The following DNAH9 variants were observed in gnomAD, a reference collection of about 807,000 sequenced individuals.
DNAH9 encodes DNAH9 variant protein.
Under a neutral mutation model 471.6 loss-of-function variants are expected in DNAH9, and 345 were observed. That is an observed-to-expected ratio of 0.73 (90% CI 0.67 to 0.80). The LOEUF (loss-of-function observed/expected upper bound fraction) is 0.80, where lower values mean the gene tolerates loss of function less well. DNAH9 is among the 30% of genes least tolerant of loss of function. The pLI is 0.00. For missense variants in DNAH9, 5,407 were observed against 5,609.2 expected, an observed-to-expected ratio of 0.96 and a Z score of 1.15; for synonymous variants, 2,093 against 2,123.6, an observed-to-expected ratio of 0.99 and a Z score of 0.40.
chr17:11,610,203 G>C (rs565742603), intron 2 of DNAH9, among the ~76,000 whole-genome samples, 193 bp from the exon 3 acceptor site: 1 of 152,034 alleles, frequency 6.6e-6, no homozygotes, highest in Non-Finnish European at 1.5e-5. Flanking sequence ...TTTCTGGAGA[G>C]AGGATCTATA....
rs568743107 is a variant in DNAH9 at position 11,690,102 on chromosome 17, C to A, written c.4280C>A (p.Ala1427Asp). ...EDEVRGIVDK[A>D]AKEMGMEKTL... ...GAGGTCCGGGGCATTGTGGACAAAG[C>A]TGCAAAAGAGATGGGTATGGAGAAA... The change falls in exon 20 of 69, where the codon GCT (alanine) becomes GAT (aspartate). Residue 1427 changes from alanine to aspartate, a missense_variant. Around this residue, in one of 3 missense-constraint regions of DNAH9, gnomAD observed 4,636 missense variants for 4,900.3 expected, o/e 0.95. Coordinates refer to ENST00000262442, the MANE Select transcript of DNAH9 (RefSeq NM_001372.4). 3.7e-6 allele frequency: 6 copies of A among 1,614,184 alleles called. No individual in the cohort carries two copies. Among genetic ancestry groups the A allele is most frequent in the East Asian group, 2.2e-5 (1 of 44,870 alleles).
At chr17:11,762,770 GTTTTTTTT>G (rs563544881) in intron 35 of DNAH9, among the ~76,000 whole-genome samples, 5 of 90,744 alleles carry the variant, frequency 5.5e-5, no homozygotes, top group African/African-American at 1.6e-4. Flanking sequence ...TTTTTTTTTT[GTTTTTTTT>G]TTTTTTTTTT....
chr17:11,897,110 T>A (rs1227901563), intron 59 of DNAH9, among the ~76,000 whole-genome samples: 1 of 152,198 alleles, frequency 6.6e-6, no homozygotes, highest in Non-Finnish European at 1.5e-5. Context: ...AAAATTAATT[T>A]TAGCAAGATA....
intron 27 of DNAH9, among the ~76,000 whole-genome samples, chr17:11,726,946 G>C (rs1673175162): frequency 6.6e-6 from 1 of 151,454 alleles, no homozygotes; most frequent in South Asian, 2.1e-4. Context: ...TACTCGGGAG[G>C]CTGAGGCAGG....
At chr17:11,846,200 C>T (rs545169298) in intron 49 of DNAH9, among the ~76,000 whole-genome samples, 50 of 135,228 alleles carry the variant, frequency 3.7e-4, no homozygotes, top group Middle Eastern at 7.5e-3. Context: ...GGAAGGGATC[C>T]AGTTTCAGCT....
At chr17:11,719,040 C>T (rs559293168) in intron 26 of DNAH9, among the ~76,000 whole-genome samples, 12 of 152,200 alleles carry the variant, frequency 7.9e-5, no homozygotes, top group Admixed American at 7.2e-4. Context: ...TATGGCTGGA[C>T]TGCAGAGGTT....
At position 11,969,561 on chromosome 17, in the gene DNAH9, T is replaced by C; in HGVS notation, c.*34T>C. On this transcript the variant is annotated 3_prime_UTR_variant, in exon 69 of 69. Transcript: ENST00000262442. ...AGAGCCACCGAGAAAATAAAAAAGC[T>C]GGGCTTGGAGGCTGCCTAGAGGGAC... The C allele has an allele frequency of 6.4e-7, 1 of 1,552,770 alleles. No homozygotes were observed. The highest frequency in any genetic ancestry group is 8.7e-7 in the Non-Finnish European group (1 of 1,153,772).
chr17:11,968,072 T>C (rs1269964902), intron 68 of DNAH9, among the ~76,000 whole-genome samples: 3 of 152,342 alleles, frequency 2.0e-5, no homozygotes, highest in East Asian at 1.9e-4. Flanking sequence ...CTAATGATCA[T>C]AGAGTTTCTT....
chr17:11,795,208 G>C (rs1284613653), intron 42 of DNAH9, among the ~76,000 whole-genome samples: 2 of 152,046 alleles, frequency 1.3e-5, no homozygotes, highest in Non-Finnish European at 2.9e-5. Flanking sequence ...TTTACATAAT[G>C]AATGGCCCAT....
intron 61 of DNAH9, among the ~76,000 whole-genome samples, chr17:11,923,329 C>T (rs551361895): frequency 1.2e-3 from 176 of 152,036 alleles, no homozygotes; most frequent in Admixed American, 1.7e-3. Flanking sequence ...CACCTGCTGC[C>T]TCAGCCTCCC....
Position 11,962,592 on chromosome 17 carries a change from TA to T in DNAH9, c.13233+340del, listed in dbSNP as rs1976311149. ...GTTAGATGGGAGAAGAGCGTCATTG[TA>T]AAAGTTAAACGAGCTAATATGTAAG... is the stretch of plus-strand genomic sequence containing the variant. On this transcript the variant is annotated intron_variant, in intron 68 of 68. Coordinates refer to ENST00000262442, the MANE Select transcript of DNAH9 (RefSeq NM_001372.4). The surrounding 1 kb of genome is among the most constrained non-coding windows in gnomAD (Gnocchi z 4.1). Among the ~76,000 whole-genome samples the T allele has an allele frequency of 6.6e-6, 1 of 152,008 alleles. No homozygotes were observed. Among genetic ancestry groups the T allele is most frequent in the Non-Finnish European group, 1.5e-5 (1 of 67,958 alleles).
In DNAH9 at chr17:11,631,936, A is replaced by G. The variant is rs111770912; in HGVS notation, c.1519-651A>G. Among the ~76,000 whole-genome samples the G allele has an allele frequency of 3.9e-5, 6 of 152,264 alleles. 1 individual carries two copies. The highest frequency in any genetic ancestry group is 2.1e-4 in the South Asian group (1 of 4,816). On this transcript the variant is annotated intron_variant, in intron 7 of 68. Transcript: ENST00000262442. The stretch of plus-strand genomic sequence containing the variant: ...TGAAAATTGCTACGTGCTAAGAGAA[A>G]TACATTAGGGTTGCCAGATAAACTA...
At position 11,644,560 on chromosome 17, in the gene DNAH9, C is replaced by T. The variant is rs1055316049; in HGVS notation, c.1902-71C>T. 5 of 1,105,356 alleles carry T rather than the reference C, an allele frequency of 4.5e-6. No individual in the cohort carries two copies. In the African/African-American group the frequency reaches 6.2e-5, roughly 14 times the overall value. The allele number at this position is 1,105,356 out of a possible 1,614,324, so 68.5% of individuals were successfully genotyped here. On this transcript the variant is annotated intron_variant, in intron 10 of 68. Coordinates refer to ENST00000262442, the MANE Select transcript of DNAH9 (RefSeq NM_001372.4). ...TATTCACGCTCTTCTTTGGAGACTG[C>T]AGTTTGTTCCTCGGATTATTACTTT... is the stretch of plus-strand genomic sequence containing the variant.
At chr17:11,748,148 C>CAAAAAAAAA (rs71142241) in intron 32 of DNAH9, among the ~76,000 whole-genome samples, 1 of 64,674 alleles carries the variant, frequency 1.5e-5, no homozygotes, top group African/African-American at 6.3e-5. Flanking sequence ...ACTAAAAATA[C>CAAAAAAAAA]AAAAAAAAAA....
intron 48 of DNAH9, among the ~76,000 whole-genome samples, chr17:11,827,134 C>A (rs1483861092): frequency 6.6e-6 from 1 of 152,084 alleles, no homozygotes; most frequent in Non-Finnish European, 1.5e-5. Flanking sequence ...CGAGTCCCTA[C>A]TTTCAACATC....
At chr17:11,850,288 A>G (rs935390256) in intron 49 of DNAH9, among the ~76,000 whole-genome samples, 6 of 152,200 alleles carry the variant, frequency 3.9e-5, no homozygotes, top group African/African-American at 9.6e-5. Flanking sequence ...AGCTAGAACA[A>G]TAGTCCTAAG....
Position 11,905,675 on chromosome 17 carries a change from A to G in DNAH9, c.11615A>G (p.Glu3872Gly). The change falls in exon 61 of 69, where the codon GAG becomes GGG. Residue 3872 changes from glutamate to glycine, a missense_variant. By Grantham distance (98) the Glu-to-Gly change is moderately conservative. This residue lies in a region of DNAH9 where 4,636 missense variants were observed against 4,900.3 expected (regional missense o/e 0.95). Coordinates refer to ENST00000262442, the MANE Select transcript of DNAH9 (RefSeq NM_001372.4). ...TTTTCTGGCAGAGATTTTGTTGAAG[A>G]GAAGTTAGGAAGCAAATACGTGGTG... ...MTYALRDFVE[E>G]KLGSKYVVGR... 6.2e-7 allele frequency: 1 copy of G among 1,613,714 alleles called. No homozygotes were observed.
At chr17:11,856,707 GA>G (rs1214649661) in intron 50 of DNAH9, among the ~76,000 whole-genome samples, 1,897 of 143,288 alleles carry the variant, frequency 0.013, 40 homozygotes, top group African/African-American at 0.043. Context: ...CCCTGTCTCA[GA>G]AAAAAAAAAA....
chr17:11,902,974 C>T (rs781691459), intron 60 of DNAH9, 62 bp downstream of exon 60: 34 of 1,541,130 alleles, frequency 2.2e-5, no homozygotes, highest in Admixed American at 5.9e-5. Flanking sequence ...CTCAGGACAA[C>T]TGGACCAGCA....
Sources: allele counts gnomAD v4.1 joint callset (sites outside exome capture counted in the v4.1 genomes callset), GRCh38; gene constraint gnomAD v4.1.1; regional missense constraint gnomAD v4.1.1; non-coding constraint Gnocchi (gnomAD v3.1); transcripts MANE v1.5; gene names NCBI Gene and HGNC (gene_info 2026-07-23, HGNC 2026-07-21).